GEMIN5: variants seen among roughly 807,000 people sequenced by gnomAD.
GEMIN5 encodes the protein gem-associated protein 5.
In GEMIN5, 124 loss-of-function variants were observed where a neutral mutation model predicts 176.9. The observed-to-expected ratio is 0.70, with a 90% CI of 0.61 to 0.81. GEMIN5 has a LOEUF of 0.81. Ranked by LOEUF, GEMIN5 falls within the 40% of genes least tolerant of loss-of-function variation. The pLI is 0.00. For synonymous variants in GEMIN5, 673 were observed against 665.2 expected (o/e 1.01, Z -0.18); for missense variants, 1,843 against 1,814.6 (o/e 1.02, Z -0.28).
chr5:154,907,900 T>C lies in GEMIN5; in HGVS notation c.2168-82A>G, dbSNP rs557520938. 143 of 890,352 alleles carry C rather than the reference T, an allele frequency of 1.6e-4. 1 individual carries two copies. Among genetic ancestry groups the C allele is most frequent in the Admixed American group, 3.4e-4 (16 of 46,738 alleles). The allele number at this position is 890,352 out of a possible 1,614,324, so 55.2% of individuals were successfully genotyped here. On this transcript the variant is annotated intron_variant, in intron 15 of 27. Transcript: ENST00000285873. ...CTAGGTGGTAAACTCCAATATCTCA[T>C]TCCTCTTTAATAGCATTTTTACCCA...
chr5:154,913,290 C>T (rs144946657), intron 13 of GEMIN5, among the ~76,000 whole-genome samples: 2 of 152,178 alleles, frequency 1.3e-5, no homozygotes, highest in Non-Finnish European at 2.9e-5. Flanking sequence ...CTCAGCCTCC[C>T]AAGTCTAGGT....
intron 23 of GEMIN5, 99 bp downstream of exon 23, chr5:154,898,341 G>T: frequency 2.8e-6 from 3 of 1,061,386 alleles, no homozygotes; most frequent in Non-Finnish European, 4.3e-6. Flanking sequence ...CTGCCAAATT[G>T]GCACAGCTTG....
At position 154,905,646 on chromosome 5, in the gene GEMIN5, C is replaced by T. The variant is rs535620171; in HGVS notation, c.2396-170G>A. On this transcript the variant is annotated intron_variant, in intron 16 of 27. Transcript: ENST00000285873. ...GGAAAAGAAGTAGGAGTAGTTTCCC[C>T]TTTCCCACCTCCCAAACTAGCTGTT... Among the ~76,000 whole-genome samples, 6 of 151,960 alleles carry T rather than the reference C, an allele frequency of 3.9e-5. No individual in the cohort carries two copies. In the East Asian group the frequency reaches 1.2e-3, roughly 29 times the overall value.
rs574353708 is a variant in GEMIN5, at chr5:154,924,385, A to C, written c.1379+84T>G. 1.5e-4 allele frequency: 111 copies of C among 754,374 alleles called. No individual in the cohort carries two copies. In the South Asian group the frequency reaches 1.7e-3, roughly 12 times the overall value. 46.7% of individuals were successfully genotyped at this position (754,374 alleles called of 1,614,324 possible). On this transcript the variant is annotated intron_variant, in intron 9 of 27. Coordinates refer to ENST00000285873, the MANE Select transcript of GEMIN5 (RefSeq NM_015465.5). Reference sequence around the variant, plus strand: ...TTGAAAAGGCAACGTTATGAAAAGGAAAGTGAGGGATTATTCTAGAGCAGG... The same window carrying C: ...TTGAAAAGGCAACGTTATGAAAAGGCAAGTGAGGGATTATTCTAGAGCAGG...
In GEMIN5 at chr5:154,928,439, T is replaced by TA; in HGVS notation, c.914+87_914+88insT. 4 of 1,162,398 alleles carry TA rather than the reference T, an allele frequency of 3.4e-6. No individual in the cohort carries two copies. The Admixed American group carries it at 7.6e-5, about 22-fold the overall frequency. The allele number at this position is 1,162,398 out of a possible 1,614,324, so 72.0% of individuals were successfully genotyped here. Reference sequence around the variant, plus strand: ...AAATGGCCCATCATAATACAAGCCTTGGCCATTACTTTCTCCATCCTAGGA... The same window carrying TA: ...AAATGGCCCATCATAATACAAGCCTTAGGCCATTACTTTCTCCATCCTAGGA... On this transcript the variant is annotated intron_variant, in intron 6 of 27. Transcript: ENST00000285873.
In GEMIN5 at chr5:154,907,633, G is replaced by T. The variant is rs759816817; in HGVS notation, c.2353C>A (p.Gln785Lys). The change falls in exon 16 of 28, where the codon CAA becomes AAA. Residue 785 changes from glutamine (Q) to lysine (K), a missense_variant. By Grantham distance (53) the Gln-to-Lys change is moderately conservative. Coordinates refer to ENST00000285873, the MANE Select transcript of GEMIN5 (RefSeq NM_015465.5). ...CAGGGTAATTCCGGCTCCCGTGCTT[G>T]CTCCTCCCCTTCTTGGTCTGACACA... ...NGVSDQEGEE[Q>K]AREPELPCGL... The T allele has an allele frequency of 2.5e-6, 4 of 1,613,956 alleles. No individual in the cohort carries two copies. Among genetic ancestry groups the T allele is most frequent in the Non-Finnish European group, 3.4e-6 (4 of 1,179,942 alleles).
chr5:154,896,194 C>A lies in GEMIN5; in HGVS notation c.3495G>T (p.Lys1165Asn), dbSNP rs770634460. Residue 1165 changes from lysine (K) to asparagine (N), a missense_variant, in exon 24 of 28, where the codon AAG (lysine) becomes AAT (asparagine). Coordinates refer to ENST00000285873, the MANE Select transcript of GEMIN5 (RefSeq NM_015465.5). ...CAGGGGTGTCAAGGCTGAAGATGCTCTTCCACACTGCAGTCACCCTCTCCA... is the reference window on the plus strand; with the variant it reads ...CAGGGGTGTCAAGGCTGAAGATGCTATTCCACACTGCAGTCACCCTCTCCA... ...PFVERVTAVWKSIFSLDTPEQ... is the reference protein window; with the variant it reads ...PFVERVTAVWNSIFSLDTPEQ... 6.2e-7 allele frequency: 1 copy of A among 1,613,916 alleles called. No homozygotes were observed. Among genetic ancestry groups the A allele is most frequent in the East Asian group, 2.2e-5 (1 of 44,862 alleles).
Position 154,911,870 on chromosome 5 carries a change from A to G in GEMIN5, c.2024T>C (p.Leu675Pro). ...QVWDALREEPLCNFRGHRGRL... is the reference protein window; with the variant it reads ...QVWDALREEPPCNFRGHRGRL... ...ACCTCGATGTCCTCGGAAATTGCAC[A>G]GGGGCTCTTCCCGGAGAGCATCCCA... The change falls in exon 15 of 28, where the codon CTG (leucine) becomes CCG (proline). Residue 675 changes from leucine (L) to proline (P), a missense_variant. Transcript: ENST00000285873. 1.9e-6 allele frequency: 3 copies of G among 1,614,114 alleles called. No individual in the cohort carries two copies. The highest frequency in any genetic ancestry group is 2.5e-6 in the Non-Finnish European group (3 of 1,179,980).
chr5:154,903,019 C>A, intron 19 of GEMIN5, 61 bp downstream of exon 19: 2 of 1,074,692 alleles, frequency 1.9e-6, no homozygotes, highest in Non-Finnish European at 2.8e-6. Context: ...CAAAGAGGTG[C>A]ACACAAAATG....
chr5:154,912,152 T>C (rs1054172763), intron 14 of GEMIN5, among the ~76,000 whole-genome samples: 1 of 152,240 alleles, frequency 6.6e-6, no homozygotes, highest in Admixed American at 6.5e-5. Flanking sequence ...TGGTGTCCCA[T>C]GGATTTCACT....
chr5:154,899,583 G>A (rs933339156), intron 21 of GEMIN5, among the ~76,000 whole-genome samples: 4 of 150,702 alleles, frequency 2.7e-5, no homozygotes, highest in Non-Finnish European at 5.9e-5. Context: ...AACTATTTTC[G>A]TAACAATGCT....
intron 15 of GEMIN5, among the ~76,000 whole-genome samples, chr5:154,909,501 G>A (rs1763648694): frequency 6.6e-6 from 1 of 151,834 alleles, no homozygotes. Context: ...TCTTTACTGA[G>A]GGGTAATATA....
intron 15 of GEMIN5, among the ~76,000 whole-genome samples, chr5:154,909,133 A>ATTTTTTTTTTTT (rs70981958): frequency 1.2e-4 from 12 of 99,730 alleles, no homozygotes; most frequent in Admixed American, 1.3e-4. Flanking sequence ...TAATTTTTGT[A>ATTTTTTTTTTTT]TTTTTTTTTT....
At chr5:154,929,512 AC>A (rs1164811138) in intron 5 of GEMIN5, among the ~76,000 whole-genome samples, 1 of 152,220 alleles carries the variant, frequency 6.6e-6, no homozygotes, top group African/African-American at 2.4e-5. Context: ...TTTAAAAAAT[AC>A]ATACGCCAGG....
intron 23 of GEMIN5, among the ~76,000 whole-genome samples, chr5:154,897,048 G>C (rs982574659): frequency 6.6e-6 from 1 of 152,308 alleles, no homozygotes; most frequent in African/African-American, 2.4e-5. Context: ...TGCTGTTTAA[G>C]AGAAAAATAA....
At chr5:154,923,164 G>T (rs1470314046) in intron 9 of GEMIN5, among the ~76,000 whole-genome samples, 1 of 152,114 alleles carries the variant, frequency 6.6e-6, no homozygotes, top group African/African-American at 2.4e-5. Context: ...ATCACCTGAG[G>T]TTAGGAGTTC....
In GEMIN5 at chr5:154,898,475, C is replaced by T. The variant is rs146397981; in HGVS notation, c.3310G>A (p.Ala1104Thr). 4 of 1,614,140 alleles carry T rather than the reference C, an allele frequency of 2.5e-6. No individual in the cohort carries two copies. The South Asian group carries it at 3.3e-5, about 13-fold the overall frequency. The change falls in exon 23 of 28, where the codon GCC (alanine) becomes ACC (threonine). Residue 1104 changes from alanine to threonine, a missense_variant. Transcript: ENST00000285873. The part of the protein sequence containing the change: ...ELLLANNWVG[A>T]QEALQLHESL... Reference sequence around the variant, plus strand: ...TCATGCAGCTGCAGGGCTTCCTGGGCTCCCACCCAGTTGTTGGCCAGAAGC... The same window carrying T: ...TCATGCAGCTGCAGGGCTTCCTGGGTTCCCACCCAGTTGTTGGCCAGAAGC...
intron 12 of GEMIN5, 57 bp from the exon 13 acceptor site, chr5:154,917,236 A>G (rs1763832097): frequency 1.1e-6 from 1 of 943,384 alleles, no homozygotes; most frequent in South Asian, 2.5e-5. Context: ...ACAAGTTACA[A>G]TGCAAATAGT....
intron 23 of GEMIN5, among the ~76,000 whole-genome samples, chr5:154,896,703 C>T (rs1753854282): frequency 6.6e-6 from 1 of 152,194 alleles, no homozygotes; most frequent in Non-Finnish European, 1.5e-5. Context: ...GTTCTTTCTC[C>T]CTGACCAAAC....
Sources: gnomAD v4.1 joint callset for allele counts (sites outside exome capture counted in the v4.1 genomes callset) on GRCh38, gnomAD v4.1.1 for gene constraint, MANE v1.5 for transcripts, NCBI Gene and HGNC (gene_info 2026-07-23, HGNC 2026-07-21) for gene names.